Variants in WDR17 observed in about 807,000 individuals in gnomAD.
WDR17 encodes WD repeat-containing protein 17.
WDR17 carries 143 observed loss-of-function variants against 161.7 expected under a neutral mutation model. The ratio of observed to expected loss-of-function variants is 0.88; its 90% CI spans 0.77 to 1.02. The LOEUF is 1.02. Among genes scored for constraint, WDR17 ranks in the 50% least tolerant of loss-of-function variants. The pLI is 0.00. For missense variants in WDR17, 1,469 were observed against 1,520.9 expected (o/e 0.97, Z 0.57); for synonymous variants, 517 against 515.6 (o/e 1.00, Z -0.04).
At position 176,180,818 on chromosome 4, in the gene WDR17, C is replaced by T. The variant is rs565410566; in HGVS notation, c.*1239C>T. The T allele has an allele frequency of 6.6e-6, 1 of 152,260 alleles. No individual in the cohort carries two copies. Among genetic ancestry groups the T allele is most frequent in the African/African-American group, 2.4e-5 (1 of 41,560 alleles). 9.4% of individuals were successfully genotyped at this position (152,260 alleles called of 1,614,324 possible). A position where few individuals can be genotyped will look rare whatever the true frequency, so the allele number is the denominator to read the frequency against. The stretch of plus-strand genomic sequence containing the variant: ...TTTTGGATATATTATGTTGATTTAA[C>T]TTTTAAAATGTTGTTTAAAAGTGTG... On this transcript the variant is annotated 3_prime_UTR_variant, in exon 29 of 29. Transcript: ENST00000508596.
intron 1 of WDR17, among the ~76,000 whole-genome samples, chr4:176,097,761 A>ACG (rs1737135431): frequency 6.6e-6 from 1 of 151,432 alleles, no homozygotes; most frequent in South Asian, 2.1e-4. Flanking sequence ...ACACACACAC[A>ACG]CACACACACA....
chr4:176,160,969 A>G lies in WDR17; in HGVS notation c.2717A>G (p.Tyr906Cys). ...LHVSVPKGAS[Y>C]SDDIYKEDFN... Reference sequence around the variant, plus strand: ...GTTTCCGTGCCTAAAGGAGCTTCATATTCTGATGATATCTACAAGGAAGAC... The same window carrying G: ...GTTTCCGTGCCTAAAGGAGCTTCATGTTCTGATGATATCTACAAGGAAGAC... Residue 906 changes from tyrosine to cysteine, a missense_variant, in exon 20 of 29, where the codon TAT becomes TGT. Transcript: ENST00000508596. The G allele has an allele frequency of 6.2e-7, 1 of 1,610,744 alleles. No individual in the cohort carries two copies. Among genetic ancestry groups the G allele is most frequent in the Admixed American group, 1.7e-5 (1 of 59,678 alleles).
intron 1 of WDR17, among the ~76,000 whole-genome samples, chr4:176,095,102 G>C (rs1736650998): frequency 1.3e-5 from 2 of 152,050 alleles, no homozygotes; most frequent in African/African-American, 4.8e-5. Flanking sequence ...CTAGGTAAAA[G>C]TTCAAAGTAG....
chr4:176,112,504 T>A (rs913990338), intron 2 of WDR17, among the ~76,000 whole-genome samples: 1 of 152,220 alleles, frequency 6.6e-6, no homozygotes, highest in Non-Finnish European at 1.5e-5. Flanking sequence ...TCTCTCTTAC[T>A]CTGTGTTCCA....
rs142124883 is a variant in WDR17 at position 176,072,512 on chromosome 4, C to T, written c.-7+6433C>T. ...CACTGATTAAGAGATTTTTGAAATC[C>T]TATTTATTCTTGATAATGTATGTTG... On this transcript the variant is annotated intron_variant, in intron 1 of 28. Coordinates refer to ENST00000508596, the MANE Select transcript of WDR17 (RefSeq NM_181265.4). Among the ~76,000 whole-genome samples, 696 of 152,226 alleles carry T rather than the reference C, an allele frequency of 4.6e-3. 8 individuals carry two copies. The highest frequency in any genetic ancestry group is 0.016 in the African/African-American group (674 of 41,542).
chr4:176,155,254 T>C (rs2126829677), intron 17 of WDR17, among the ~76,000 whole-genome samples: 1 of 152,184 alleles, frequency 6.6e-6, no homozygotes, highest in South Asian at 2.1e-4. Flanking sequence ...TTTTTCTCTT[T>C]CTTTCTCTCA....
chr4:176,167,662 A>AAAACAAC (rs1554036565), intron 22 of WDR17, among the ~76,000 whole-genome samples: 1 of 45,266 alleles, frequency 2.2e-5, no homozygotes, highest in Non-Finnish European at 6.5e-5. Context: ...AAAAAAAAAA[A>AAAACAAC]AAAAAAAAAA....
chr4:176,120,690 C>T (rs911257014), intron 4 of WDR17, among the ~76,000 whole-genome samples: 5 of 151,466 alleles, frequency 3.3e-5, no homozygotes, highest in Non-Finnish European at 7.4e-5. Context: ...TGCTTGCTTT[C>T]CCCTCAAAAA....
At chr4:176,119,267 A>G (rs1410907058) in intron 3 of WDR17, among the ~76,000 whole-genome samples, 1 of 152,118 alleles carries the variant, frequency 6.6e-6, no homozygotes, top group Non-Finnish European at 1.5e-5. Context: ...GTGGTCAGCT[A>G]TTTTTATTGT....
At chr4:176,159,298 TACAC>T (rs1190019312) in intron 18 of WDR17, among the ~76,000 whole-genome samples, 1 of 120,516 alleles carries the variant, frequency 8.3e-6, no homozygotes, top group Non-Finnish European at 1.8e-5. Context: ...CACACACACA[TACAC>T]ACACACAGAT....
At chr4:176,070,146 G>C (rs1323853898) in intron 1 of WDR17, among the ~76,000 whole-genome samples, 2 of 152,066 alleles carry the variant, frequency 1.3e-5, no homozygotes, top group Non-Finnish European at 2.9e-5. Context: ...GCTTTACTTG[G>C]GAGTACCATG....
rs1347746882 is a variant in WDR17 at position 176,179,738 on chromosome 4, A to T, written c.*159A>T. The T allele has an allele frequency of 4.8e-5, 16 of 332,254 alleles. 1 individual carries two copies. The highest frequency in any genetic ancestry group is 9.6e-4 in the Middle Eastern group (1 of 1,040). The allele number at this position is 332,254 out of a possible 1,614,324, so 20.6% of individuals were successfully genotyped here. A position where few individuals can be genotyped will look rare whatever the true frequency, so the allele number is the denominator to read the frequency against. ...AGTGAATTTTAGTCATTAACTTCAA[A>T]ATATATATATATATATAATTTAAAG... is the stretch of plus-strand genomic sequence containing the variant. On this transcript the variant is annotated 3_prime_UTR_variant, in exon 29 of 29. Coordinates refer to ENST00000508596, the MANE Select transcript of WDR17 (RefSeq NM_181265.4).
At position 176,139,905 on chromosome 4, in the gene WDR17, G is replaced by A. The variant is rs1744982707; in HGVS notation, c.1373G>A (p.Gly458Glu). 4 of 1,608,990 alleles carry A rather than the reference G, an allele frequency of 2.5e-6. No individual in the cohort carries two copies. The highest frequency in any genetic ancestry group is 3.4e-6 in the Non-Finnish European group (4 of 1,177,820). ...IQRFNEHGTN[G>E]IFCIAWSHKD... The stretch of plus-strand genomic sequence containing the variant: ...CATTTTTTGAAGCATGGAACAAATG[G>A]AATATTCTGCATTGCCTGGAGTCAT... Residue 458 changes from glycine to glutamate, a missense_variant, in exon 10 of 29, where the codon GGA (glycine) becomes GAA (glutamate). Gly to Glu is a moderately conservative substitution (Grantham distance 98). Transcript: ENST00000508596.
chr4:176,093,381 G>A (rs189794980), intron 1 of WDR17, among the ~76,000 whole-genome samples: 4 of 152,160 alleles, frequency 2.6e-5, no homozygotes, highest in Admixed American at 2.6e-4. Flanking sequence ...GTAGCCAAAA[G>A]TCATCTTGTG....
Position 176,135,276 on chromosome 4 carries a change from G to A in WDR17, c.1267G>A (p.Gly423Ser). The change falls in exon 8 of 29, where the codon GGT becomes AGT. Residue 423 changes from glycine to serine, a missense_variant and splice_region_variant. By Grantham distance (56) the Gly-to-Ser change is moderately conservative (BLOSUM62 0). Transcript: ENST00000508596. ...TATTTATTCCCTTTCTTGGGCTCCA[G>A]GTAAGAGATATTTTATTGAAATTAG... ...GVIYSLSWAPGGLNCIAGGTS... is the reference protein window; with the variant it reads ...GVIYSLSWAPSGLNCIAGGTS... 3 of 1,611,612 alleles carry A rather than the reference G, an allele frequency of 1.9e-6. No homozygotes were observed. The South Asian group carries it at 3.3e-5, about 18-fold the overall frequency.
chr4:176,157,233 T>C (rs981207673), intron 18 of WDR17, among the ~76,000 whole-genome samples: 3 of 152,196 alleles, frequency 2.0e-5, no homozygotes, highest in African/African-American at 4.8e-5. Context: ...GCTAATCTTA[T>C]AGAGTACTAT....
At chr4:176,121,834 G>A (rs1478543551) in intron 4 of WDR17, among the ~76,000 whole-genome samples, 1 of 152,166 alleles carries the variant, frequency 6.6e-6, no homozygotes, top group Non-Finnish European at 1.5e-5. Flanking sequence ...AGGTTTAGAG[G>A]ATAGAATGTT....
At chr4:176,159,021 T>C (rs559058278) in intron 18 of WDR17, among the ~76,000 whole-genome samples, 3 of 152,296 alleles carry the variant, frequency 2.0e-5, no homozygotes, top group Middle Eastern at 3.4e-3. Flanking sequence ...GATGACTCTA[T>C]GAAATTGGAG....
chr4:176,123,152 T>C (rs1287075723), intron 4 of WDR17, among the ~76,000 whole-genome samples: 1 of 152,206 alleles, frequency 6.6e-6, no homozygotes, highest in South Asian at 2.1e-4. Context: ...TTGGTATTAC[T>C]CCATGAATGT....
Sources: allele counts gnomAD v4.1 joint callset (sites outside exome capture counted in the v4.1 genomes callset), GRCh38; gene constraint gnomAD v4.1.1; transcripts MANE v1.5; gene names NCBI Gene and HGNC (gene_info 2026-07-23, HGNC 2026-07-21).